Variants in PAK5 observed in about 807,000 individuals in gnomAD.
PAK5 encodes serine/threonine-protein kinase PAK 5.
PAK5 carries 16 observed loss-of-function variants against 65.9 expected under a neutral mutation model. The ratio of observed to expected loss-of-function variants is 0.24; its 90% CI spans 0.16 to 0.37. The LOEUF is 0.37. PAK5 is among the 10% of genes least tolerant of loss of function. The probability of loss-of-function intolerance (pLI) is 1.00; values close to 1 mark genes in which losing one functional copy is unlikely to be tolerated. For missense variants in PAK5, 785 were observed against 903.9 expected (o/e 0.87, Z 1.69); for synonymous variants, 371 against 354.9 (o/e 1.05, Z -0.51).
At chr20:9,742,014 C>T (rs951340110) in intron 1 of PAK5, among the ~76,000 whole-genome samples, 9 of 152,100 alleles carry the variant, frequency 5.9e-5, no homozygotes, top group Admixed American at 1.3e-4. Context: ...GGAGGTTGGA[C>T]GCTAACGGTG....
chr20:9,747,034 C>T (rs1208118215), intron 1 of PAK5, among the ~76,000 whole-genome samples: 6 of 152,254 alleles, frequency 3.9e-5, no homozygotes, highest in African/African-American at 1.4e-4. Flanking sequence ...ATACAAATTA[C>T]CATCAGAGAA....
At chr20:9,616,817 G>A (rs2046666465) in intron 3 of PAK5, among the ~76,000 whole-genome samples, 1 of 152,224 alleles carries the variant, frequency 6.6e-6, no homozygotes, top group African/African-American at 2.4e-5. Context: ...GGTGGGTAGT[G>A]GGTGGAATGT....
intron 2 of PAK5, among the ~76,000 whole-genome samples, chr20:9,663,255 C>T (rs2047370636): frequency 1.3e-5 from 2 of 152,050 alleles, no homozygotes; most frequent in African/African-American, 4.8e-5. Context: ...TTTTACATTC[C>T]TACGAAGCAA....
chr20:9,727,187 T>C (rs1301140454), intron 1 of PAK5, among the ~76,000 whole-genome samples: 4 of 152,110 alleles, frequency 2.6e-5, no homozygotes, highest in Non-Finnish European at 4.4e-5. Context: ...AAAACATAAA[T>C]TATTTCTGTA....
intron 7 of PAK5, among the ~76,000 whole-genome samples, chr20:9,554,937 G>A (rs1252447969): frequency 6.6e-6 from 1 of 152,094 alleles, no homozygotes; most frequent in African/African-American, 2.4e-5. Flanking sequence ...CCACATCAGA[G>A]GGATCTTCTG....
chr20:9,800,889 G>C (rs2056206657), intron 1 of PAK5, among the ~76,000 whole-genome samples: 1 of 151,584 alleles, frequency 6.6e-6, no homozygotes, highest in Non-Finnish European at 1.5e-5. Flanking sequence ...AGACACCATT[G>C]AGAGCTAAGA....
chr20:9,801,188 G>T (rs1381790993), intron 1 of PAK5, among the ~76,000 whole-genome samples: 2 of 151,960 alleles, frequency 1.3e-5, no homozygotes, highest in Non-Finnish European at 2.9e-5. Flanking sequence ...GTCATGGCTG[G>T]GGTAATTTAG....
At chr20:9,570,421 C>A (rs2123020920) in intron 4 of PAK5, among the ~76,000 whole-genome samples, 1 of 147,364 alleles carries the variant, frequency 6.8e-6, no homozygotes, top group African/African-American at 2.6e-5. Flanking sequence ...CAAGCTGATT[C>A]TTTTCAAAGC....
At chr20:9,762,176 G>GA (rs2123650418) in intron 1 of PAK5, among the ~76,000 whole-genome samples, 2 of 152,138 alleles carry the variant, frequency 1.3e-5, no homozygotes, top group South Asian at 4.1e-4. Flanking sequence ...AGAACACAGA[G>GA]AAAAAATTCT....
At chr20:9,635,052 T>C (rs761153194) in intron 3 of PAK5, among the ~76,000 whole-genome samples, 51 of 152,340 alleles carry the variant, frequency 3.3e-4, no homozygotes, top group Non-Finnish European at 6.5e-4. Context: ...TTTTAAAACA[T>C]AGGTAATCTG....
At chr20:9,790,364 T>C (rs1037140244) in intron 1 of PAK5, among the ~76,000 whole-genome samples, 3 of 151,586 alleles carry the variant, frequency 2.0e-5, no homozygotes, top group African/African-American at 7.3e-5. Context: ...AATTTTGAGA[T>C]AACACATGAA....
At chr20:9,543,332 T>C (rs1348190167) in intron 8 of PAK5, among the ~76,000 whole-genome samples, 1 of 152,048 alleles carries the variant, frequency 6.6e-6, no homozygotes, top group African/African-American at 2.4e-5. Context: ...TAGTAAAGAA[T>C]GGGAAGTCGA....
chr20:9,768,904 G>C (rs1287940414), intron 1 of PAK5, among the ~76,000 whole-genome samples: 1 of 147,414 alleles, frequency 6.8e-6, no homozygotes, highest in East Asian at 2.0e-4. Context: ...AAGAATATAT[G>C]ACTATTATGT....
intron 1 of PAK5, among the ~76,000 whole-genome samples, chr20:9,816,116 T>G (rs901970460): frequency 1.3e-5 from 2 of 152,166 alleles, no homozygotes; most frequent in African/African-American, 2.4e-5. Flanking sequence ...AAGACTTGAC[T>G]GGGTTCAGAA....
intron 2 of PAK5, among the ~76,000 whole-genome samples, chr20:9,681,232 T>C (rs2047645484): frequency 6.6e-6 from 1 of 152,146 alleles, no homozygotes; most frequent in Non-Finnish European, 1.5e-5. Flanking sequence ...TTTTTTTGCA[T>C]GGTCTCTTTT....
intron 1 of PAK5, among the ~76,000 whole-genome samples, chr20:9,729,877 T>C (rs961661277): frequency 6.6e-6 from 1 of 151,130 alleles, no homozygotes; most frequent in Non-Finnish European, 1.5e-5. Flanking sequence ...CCAGGTGTGG[T>C]GATGTGTGCC....
intron 7 of PAK5, among the ~76,000 whole-genome samples, chr20:9,557,111 T>G (rs1022731769): frequency 6.6e-6 from 1 of 152,200 alleles, no homozygotes; most frequent in Non-Finnish European, 1.5e-5. Flanking sequence ...CATTATAAAG[T>G]ACTGCACTAA....
intron 1 of PAK5, among the ~76,000 whole-genome samples, chr20:9,736,257 C>T (rs1451757137): frequency 6.6e-6 from 1 of 152,012 alleles, no homozygotes; most frequent in Non-Finnish European, 1.5e-5. Context: ...AAATGAACAA[C>T]ATATGACCAA....
chr20:9,551,612 G>A (rs1006415957), intron 7 of PAK5, among the ~76,000 whole-genome samples: 1 of 152,180 alleles, frequency 6.6e-6, no homozygotes, highest in Non-Finnish European at 1.5e-5. Flanking sequence ...TAAACTGCAT[G>A]CACTCTAAAG....
Sources: gnomAD v4.1 joint callset for allele counts (sites outside exome capture counted in the v4.1 genomes callset) on GRCh38, gnomAD v4.1.1 for gene constraint, MANE v1.5 for transcripts, NCBI Gene and HGNC (gene_info 2026-07-23, HGNC 2026-07-21) for gene names.